The following DISC1 variants were observed in gnomAD, a reference collection of about 807,000 sequenced individuals.
DISC1 encodes DISC1 scaffold protein.
Under a neutral mutation model 84.5 loss-of-function variants are expected in DISC1, and 57 were observed. The ratio of observed to expected loss-of-function variants is 0.67; its 90% CI spans 0.55 to 0.84. DISC1 has a LOEUF of 0.84. Among genes scored for constraint, DISC1 ranks in the 40% least tolerant of loss-of-function variants. The pLI, the probability that DISC1 is intolerant of heterozygous loss-of-function variation, is 0.00. For synonymous variants in DISC1, 411 were observed against 415.2 expected (o/e 0.99, Z 0.12); for missense variants, 1,000 against 1,057.8 (o/e 0.95, Z 0.76).
intron 1 of DISC1, among the ~76,000 whole-genome samples, chr1:231,669,947 A>G (rs906130459): frequency 1.3e-5 from 2 of 152,216 alleles, no homozygotes; most frequent in Admixed American, 6.5e-5. Flanking sequence ...CACTAGTCAC[A>G]ACAGCAAAGA....
At chr1:231,847,321 C>T (rs968618761) in intron 9 of DISC1, among the ~76,000 whole-genome samples, 3 of 152,146 alleles carry the variant, frequency 2.0e-5, no homozygotes, top group East Asian at 3.9e-4. Flanking sequence ...ATGTTATCAC[C>T]TCTCTAAAGA....
At chr1:231,796,389 A>C (rs976146650) in intron 7 of DISC1, among the ~76,000 whole-genome samples, 3 of 130,424 alleles carry the variant, frequency 2.3e-5, no homozygotes, top group African/African-American at 7.7e-5. Flanking sequence ...AGAGCAACGC[A>C]GCTGAGAGCC....
In DISC1 at chr1:232,038,919, A is replaced by G. The variant is rs1218435218; in HGVS notation, c.*2088A>G. ...CTTTGCTCAGCCTTCCATGCTGTGC[A>G]GCACTTCTGTCCTCAGTCAAGGAGA... On this transcript the variant is annotated 3_prime_UTR_variant, in exon 13 of 13. Coordinates refer to ENST00000439617, the MANE Select transcript of DISC1 (RefSeq NM_018662.3). The G allele has an allele frequency of 1.3e-5, 2 of 152,214 alleles. No individual in the cohort carries two copies. The highest frequency in any genetic ancestry group is 1.3e-4 in the Admixed American group (2 of 15,280). 9.4% of individuals were successfully genotyped at this position (152,214 alleles called of 1,614,324 possible).
At chr1:231,953,851 C>T (rs1658920727) in intron 9 of DISC1, among the ~76,000 whole-genome samples, 1 of 152,128 alleles carries the variant, frequency 6.6e-6, no homozygotes, top group African/African-American at 2.4e-5. Flanking sequence ...CTGAGGATGC[C>T]TTCCTTATTA....
chr1:231,635,902 A>G (rs1236842783), intron 1 of DISC1, among the ~76,000 whole-genome samples: 1 of 152,222 alleles, frequency 6.6e-6, no homozygotes, highest in East Asian at 1.9e-4. Flanking sequence ...CCCGTGGAAA[A>G]AAGAGAATTC....
chr1:231,990,640 C>A (rs1665081917), intron 10 of DISC1, among the ~76,000 whole-genome samples: 1 of 152,170 alleles, frequency 6.6e-6, no homozygotes, highest in African/African-American at 2.4e-5. Context: ...GGCTGCCATT[C>A]TTAAAGGAGT....
intron 10 of DISC1, among the ~76,000 whole-genome samples, chr1:232,002,368 G>A (rs771393787): frequency 6.6e-6 from 1 of 152,154 alleles, no homozygotes; most frequent in African/African-American, 2.4e-5. Context: ...CAATTGTGCT[G>A]TTGGACAATC....
chr1:231,668,642 A>G (rs2062257262), intron 1 of DISC1, among the ~76,000 whole-genome samples: 1 of 152,188 alleles, frequency 6.6e-6, no homozygotes, highest in Admixed American at 6.5e-5. Context: ...AGCTCAGCAG[A>G]CTTCTGTCCC....
intron 9 of DISC1, among the ~76,000 whole-genome samples, chr1:231,836,315 C>G (rs187661854): frequency 8.6e-5 from 13 of 152,034 alleles, no homozygotes; most frequent in Non-Finnish European, 1.8e-4. Context: ...CTGATGGTGT[C>G]TGTGGCCCTT....
intron 10 of DISC1, among the ~76,000 whole-genome samples, chr1:232,007,915 G>C (rs1667655790): frequency 6.6e-6 from 1 of 152,134 alleles, no homozygotes; most frequent in African/African-American, 2.4e-5. Context: ...CTGTTCCCAG[G>C]ATAGTGAGTT....
chr1:231,870,694 C>T (rs1385301316), intron 9 of DISC1, among the ~76,000 whole-genome samples: 1 of 152,158 alleles, frequency 6.6e-6, no homozygotes, highest in South Asian at 2.1e-4. Context: ...AGAGGACAAA[C>T]GAGAATGATA....
chr1:231,637,314 A>T (rs1158896446), intron 1 of DISC1, among the ~76,000 whole-genome samples: 2 of 152,230 alleles, frequency 1.3e-5, no homozygotes, highest in African/African-American at 4.8e-5. Flanking sequence ...CTTTGGGTAT[A>T]CACCCAGTAA....
intron 9 of DISC1, among the ~76,000 whole-genome samples, chr1:231,892,671 T>TAA (rs35179993): frequency 6.2e-5 from 9 of 145,844 alleles, no homozygotes; most frequent in South Asian, 2.2e-4. Context: ...CAGGCAATTA[T>TAA]AAAAAAAAAA....
chr1:231,838,473 A>G (rs199780365), intron 9 of DISC1, among the ~76,000 whole-genome samples: 31 of 152,354 alleles, frequency 2.0e-4, no homozygotes, highest in Middle Eastern at 3.4e-3. Flanking sequence ...GTGACACATA[A>G]GCGGAGAAAA....
intron 9 of DISC1, among the ~76,000 whole-genome samples, chr1:231,864,990 A>G (rs917303891): frequency 6.6e-6 from 1 of 152,178 alleles, no homozygotes; most frequent in Non-Finnish European, 1.5e-5. Context: ...ACTCCACACC[A>G]CGGCTGTGGT....
chr1:231,878,439 C>T (rs752610753), intron 9 of DISC1, among the ~76,000 whole-genome samples: 2 of 152,040 alleles, frequency 1.3e-5, no homozygotes, highest in African/African-American at 2.4e-5. Flanking sequence ...ACTGCAAGGC[C>T]GCAGGGGGTT....
At chr1:231,742,045 A>G (rs1255683523) in intron 3 of DISC1, among the ~76,000 whole-genome samples, 1 of 152,156 alleles carries the variant, frequency 6.6e-6, no homozygotes, top group East Asian at 1.9e-4. Context: ...AGTGGCTCTC[A>G]TCTCCCTTGG....
intron 9 of DISC1, among the ~76,000 whole-genome samples, chr1:231,868,834 G>A (rs1167575244): frequency 6.7e-6 from 1 of 149,648 alleles, no homozygotes; most frequent in Non-Finnish European, 1.5e-5. Flanking sequence ...TCAGTGTGCT[G>A]TCATTGTGCC....
chr1:231,924,648 A>G lies in DISC1; in HGVS notation c.1982-34180A>G, dbSNP rs1572093577. Among the ~76,000 whole-genome samples the G allele has an allele frequency of 4.6e-5, 7 of 151,204 alleles. No homozygotes were observed. In the South Asian group the frequency reaches 1.5e-3, roughly 32 times the overall value. On this transcript the variant is annotated intron_variant, in intron 9 of 12. Transcript: ENST00000439617. ...GCCCATGATGTTGCAACATATGGAC[A>G]TTTGCAACAATTTTTTTTTTTTTTT...
Sources: allele counts gnomAD v4.1 joint callset (sites outside exome capture counted in the v4.1 genomes callset), GRCh38; gene constraint gnomAD v4.1.1; transcripts MANE v1.5; gene names NCBI Gene and HGNC (gene_info 2026-07-23, HGNC 2026-07-21).